The following DNAJC11 variants were observed in gnomAD, a reference collection of about 807,000 sequenced individuals.
DNAJC11 encodes DnaJ heat shock protein family (Hsp40) member C11.
In DNAJC11, 15 loss-of-function variants were observed where a neutral mutation model predicts 78.6. That is an observed-to-expected ratio of 0.19 (90% confidence interval 0.13 to 0.29). The LOEUF (loss-of-function observed/expected upper bound fraction) is 0.29. Ranked by LOEUF, DNAJC11 falls within the 10% of genes least tolerant of loss-of-function variation. DNAJC11 has a pLI of 1.00. For synonymous variants in DNAJC11, 292 were observed against 272.1 expected (o/e 1.07, Z -0.72); for missense variants, 547 against 709.6 (o/e 0.77, Z 2.60).
intron 7 of DNAJC11, chr1:6,651,268 T>C (rs1642051126): frequency 1.5e-6 from 1 of 654,824 alleles, no homozygotes; most frequent in Non-Finnish European, 2.9e-6. Flanking sequence ...CGTGGCCTTG[T>C]GGCATAGGTA....
intron 4 of DNAJC11, among the ~76,000 whole-genome samples, chr1:6,659,023 A>AGTTG (rs1642170420): frequency 6.6e-6 from 1 of 152,238 alleles, no homozygotes; most frequent in African/African-American, 2.4e-5. Flanking sequence ...ACCTGTTGGA[A>AGTTG]GACAGAGGTC....
intron 3 of DNAJC11, among the ~76,000 whole-genome samples, chr1:6,673,765 G>A (rs561362271): frequency 6.6e-6 from 1 of 152,238 alleles, no homozygotes; most frequent in African/African-American, 2.4e-5. Flanking sequence ...ATTTAGACAC[G>A]AGGTGTCCTT....
rs149375888 is a variant in DNAJC11 at position 6,690,636 on chromosome 1, C to T, written c.73-9599G>A. Among the ~76,000 whole-genome samples, 43 of 152,308 alleles carry T rather than the reference C, an allele frequency of 2.8e-4. 1 individual carries two copies. The highest frequency in any genetic ancestry group is 1.0e-3 in the African/African-American group (43 of 41,570). On this transcript the variant is annotated intron_variant, in intron 1 of 15. Transcript: ENST00000377577. ...TTCAGTTGTCCTTCACTTAAAACCC[C>T]TGAATTGCCTGGGCGTGGTGGCTCA... is the stretch of plus-strand genomic sequence containing the variant.
Position 6,653,928 on chromosome 1 carries a change from T to C in DNAJC11, c.490A>G (p.Ile164Val). ...TGCTTTACCTCAATGGACTGGGATA[T>C]GTGCATTTTATTAATTTCAATCTGC... ...FPQIEINKMH[I>V]SQSIEAPLTA... The change falls in exon 5 of 16, where the codon ATA becomes GTA. Residue 164 changes from isoleucine to valine, a missense_variant. Coordinates refer to ENST00000377577, the MANE Select transcript of DNAJC11 (RefSeq NM_018198.4). This position sits in a 1 kb window ranked among gnomAD's most constrained non-coding sequence, Gnocchi z 4.5. 1 of 1,612,896 alleles carries C rather than the reference T, an allele frequency of 6.2e-7. No individual in the cohort carries two copies. The highest frequency in any genetic ancestry group is 8.5e-7 in the Non-Finnish European group (1 of 1,179,080).
chr1:6,657,069 C>A (rs548519111), intron 4 of DNAJC11, among the ~76,000 whole-genome samples: 1 of 152,134 alleles, frequency 6.6e-6, no homozygotes, highest in African/African-American at 2.4e-5. Flanking sequence ...ACCATGCCTG[C>A]GGGTACTCAC....
chr1:6,660,155 T>C (rs1642186956), intron 4 of DNAJC11, among the ~76,000 whole-genome samples: 1 of 149,884 alleles, frequency 6.7e-6, no homozygotes, highest in African/African-American at 2.5e-5. Flanking sequence ...CTCCTTCTAA[T>C]ATATAATTTT....
At chr1:6,671,635 C>G (rs1257670379) in intron 3 of DNAJC11, among the ~76,000 whole-genome samples, 1 of 150,698 alleles carries the variant, frequency 6.6e-6, no homozygotes, top group African/African-American at 2.4e-5. Context: ...GGGTTCATGC[C>G]ATTCTTCTGC....
At chr1:6,684,779 C>T (rs1191011347) in intron 1 of DNAJC11, among the ~76,000 whole-genome samples, 1 of 152,174 alleles carries the variant, frequency 6.6e-6, no homozygotes, top group African/African-American at 2.4e-5. Flanking sequence ...CCTAAAGGTA[C>T]ATTCTTATCC....
intron 1 of DNAJC11, among the ~76,000 whole-genome samples, chr1:6,701,379 G>A (rs1426137085): frequency 6.6e-6 from 1 of 152,180 alleles, no homozygotes; most frequent in Non-Finnish European, 1.5e-5. Flanking sequence ...TATGTGGGCT[G>A]AGCGCGAGAC....
chr1:6,682,209 A>G (rs908712968), intron 1 of DNAJC11, among the ~76,000 whole-genome samples: 1 of 148,710 alleles, frequency 6.7e-6, no homozygotes, highest in Non-Finnish European at 1.5e-5. Flanking sequence ...TGTTACTTCC[A>G]CAATTTTTCA....
At chr1:6,667,991 G>A in intron 3 of DNAJC11, 181 bp from the exon 4 acceptor site, 1 of 613,912 alleles carries the variant, frequency 1.6e-6, no homozygotes. Flanking sequence ...CCTGGGTGAG[G>A]GAGAGCTCAC....
In DNAJC11 at chr1:6,634,913, T is replaced by C. The variant is rs1034072173; in HGVS notation, c.*762A>G. ...AGCACTGCACTCTGGAGGTGGGTGG[T>C]GCAGGCGGTGGAGGGACACAGGCCA... is the stretch of plus-strand genomic sequence containing the variant. On this transcript the variant is annotated 3_prime_UTR_variant, in exon 16 of 16. Transcript: ENST00000377577. 66 of 1,171,664 alleles carry C rather than the reference T, an allele frequency of 5.6e-5. No individual in the cohort carries two copies. Among genetic ancestry groups the C allele is most frequent in the Non-Finnish European group, 7.0e-5 (65 of 923,742 alleles). 72.6% of individuals were successfully genotyped at this position (1,171,664 alleles called of 1,614,324 possible).
chr1:6,636,196 C>G lies in DNAJC11; in HGVS notation c.1575G>C (p.Leu525=). Residue 525 remains leucine (L), a synonymous_variant, in exon 15 of 16, where the codon CTG becomes CTC. Coordinates refer to ENST00000377577, the MANE Select transcript of DNAJC11 (RefSeq NM_018198.4). The part of the protein sequence containing the change: ...YDPCVGEEKN[L]KVLYQFRGVL... Reference sequence around the variant, plus strand: ...CGCCCCGGAACTGATAGAGCACTTTCAGGTTCTTCTCTTCCCCCACACACG... The same window carrying G: ...CGCCCCGGAACTGATAGAGCACTTTGAGGTTCTTCTCTTCCCCCACACACG... The G allele has an allele frequency of 6.2e-7, 1 of 1,614,162 alleles. No homozygotes were observed. Among genetic ancestry groups the G allele is most frequent in the Non-Finnish European group, 8.5e-7 (1 of 1,180,042 alleles).
Position 6,681,175 on chromosome 1 carries a change from G to A in DNAJC11, c.73-138C>T, listed in dbSNP as rs552003265. 1.1e-4 allele frequency: 92 copies of A among 850,604 alleles called. No homozygotes were observed. In the Admixed American group the frequency reaches 2.0e-3, roughly 19 times the overall value. 52.7% of individuals were successfully genotyped at this position (850,604 alleles called of 1,614,324 possible). A position where few individuals can be genotyped will look rare whatever the true frequency, so the allele number is the denominator to read the frequency against. The stretch of plus-strand genomic sequence containing the variant: ...CGACATACAGGATGTAATGAAGTTC[G>A]GTTTATCACCTCAACAAGGCTTCTT... On this transcript the variant is annotated intron_variant, in intron 1 of 15. Transcript: ENST00000377577.
intron 10 of DNAJC11, among the ~76,000 whole-genome samples, chr1:6,641,991 G>C (rs1570266159): frequency 6.6e-6 from 1 of 152,156 alleles, no homozygotes; most frequent in African/African-American, 2.4e-5. Context: ...TGTTATACAA[G>C]GTGAATTAGG....
At chr1:6,644,189 C>A (rs143138314) in intron 10 of DNAJC11, among the ~76,000 whole-genome samples, 1 of 151,962 alleles carries the variant, frequency 6.6e-6, no homozygotes, top group Admixed American at 6.6e-5. Context: ...AGTGCAGTGG[C>A]ACGATCTCCA....
intron 10 of DNAJC11, among the ~76,000 whole-genome samples, chr1:6,642,339 C>T (rs1185367611): frequency 2.6e-5 from 4 of 152,130 alleles, no homozygotes; most frequent in Admixed American, 1.3e-4. Context: ...AGACAGGTTC[C>T]GTGGGGAGGG....
intron 7 of DNAJC11, among the ~76,000 whole-genome samples, chr1:6,649,230 C>G (rs528927618): frequency 6.6e-6 from 1 of 151,700 alleles, no homozygotes; most frequent in South Asian, 2.1e-4. Context: ...AGTGCAGTGG[C>G]GCGATCTCGG....
At chr1:6,667,677 A>C in intron 4 of DNAJC11, 32 bp downstream of exon 4, 2 of 1,563,426 alleles carry the variant, frequency 1.3e-6, no homozygotes, top group Non-Finnish European at 1.8e-6. Context: ...CTTTTCATGA[A>C]GTGTCCTCAT....
Sources: gnomAD v4.1 joint callset for allele counts (sites outside exome capture counted in the v4.1 genomes callset) on GRCh38, gnomAD v4.1.1 for gene constraint, Gnocchi (gnomAD v3.1) non-coding constraint, MANE v1.5 for transcripts, NCBI Gene and HGNC (gene_info 2026-07-23, HGNC 2026-07-21) for gene names.